The following PAH variants were observed in gnomAD, a reference collection of about 807,000 sequenced individuals.
PAH encodes phenylalanine-4-hydroxylase.
PAH carries 64 observed loss-of-function variants against 62.0 expected under a neutral mutation model. That is an observed-to-expected ratio of 1.03 (90% CI 0.84 to 1.27). The LOEUF is 1.27. PAH is among the 50% of genes most tolerant of loss of function. The pLI is 0.00. For synonymous variants in PAH, 195 were observed against 196.2 expected, an observed-to-expected ratio of 0.99 and a Z score of 0.05; for missense variants, 579 against 542.8, an observed-to-expected ratio of 1.07 and a Z score of -0.66.
intron 5 of PAH, among the ~76,000 whole-genome samples, chr12:102,863,976 A>G (rs932638003): frequency 2.0e-5 from 3 of 152,062 alleles, no homozygotes; most frequent in African/African-American, 7.2e-5. Flanking sequence ...CCAATTCACC[A>G]TTTTGAATCT....
intron 6 of PAH, chr12:102,854,721 G>A (rs1875329714): frequency 6.8e-6 from 2 of 295,606 alleles, no homozygotes; most frequent in South Asian, 7.0e-5. Flanking sequence ...CAGACTCAGA[G>A]CTCAGGGCTC....
intron 3 of PAH, chr12:102,886,287 AG>A (rs1223336187): frequency 2.0e-5 from 3 of 152,210 alleles, no homozygotes; most frequent in Non-Finnish European, 4.4e-5. Context: ...GATGAATAAA[AG>A]GGATCTCACA....
intron 3 of PAH, among the ~76,000 whole-genome samples, chr12:102,891,787 G>A (rs147161977): frequency 9.2e-5 from 14 of 152,186 alleles, no homozygotes; most frequent in Non-Finnish European, 1.8e-4. Context: ...TCAGGCTGCC[G>A]GCTCTCCAGC....
chr12:102,877,707 A>G (rs1259480161), intron 3 of PAH, among the ~76,000 whole-genome samples, 157 bp from the exon 4 acceptor site: 1 of 152,036 alleles, frequency 6.6e-6, no homozygotes, highest in Non-Finnish European at 1.5e-5. Flanking sequence ...GTTAAACTCC[A>G]TTTTCCTTAG....
chr12:102,913,714 A>G, intron 1 of PAH: 1 of 673,870 alleles, frequency 1.5e-6, no homozygotes, highest in South Asian at 1.6e-5. Flanking sequence ...AAGAGTTACA[A>G]AATCCATGAA....
intron 1 of PAH, among the ~76,000 whole-genome samples, chr12:102,936,960 T>A (rs1879121261): frequency 6.6e-6 from 1 of 152,172 alleles, no homozygotes; most frequent in Admixed American, 6.5e-5. Flanking sequence ...GTAATTTAAT[T>A]ATGGGGGCAG....
At chr12:102,939,149 G>T (rs1287424903) in intron 1 of PAH, among the ~76,000 whole-genome samples, 1 of 151,894 alleles carries the variant, frequency 6.6e-6, no homozygotes, top group Non-Finnish European at 1.5e-5. Flanking sequence ...GGCCTGCAGA[G>T]TAACTATCCC....
At position 102,883,273 on chromosome 12, in the gene PAH, T is replaced by C. The variant is rs1260438426; in HGVS notation, c.353-5723A>G. Among the ~76,000 whole-genome samples, 3 of 152,346 alleles carry C rather than the reference T, an allele frequency of 2.0e-5. No individual in the cohort carries two copies. The East Asian group carries it at 5.8e-4, about 29-fold the overall frequency. ...TCACTACATTTGTTCAGCTCCCAAA[T>C]GCACAGCCTCATTTTCCTTTCTCCT... On this transcript the variant is annotated intron_variant, in intron 3 of 12. Coordinates refer to ENST00000553106, the MANE Select transcript of PAH (RefSeq NM_000277.3).
chr12:102,930,898 G>T (rs1878844575), intron 1 of PAH, among the ~76,000 whole-genome samples: 1 of 152,124 alleles, frequency 6.6e-6, no homozygotes, highest in African/African-American at 2.4e-5. Flanking sequence ...ATATTTGTGT[G>T]TGAAGCAATA....
chr12:102,840,231 C>G (rs1451401984), intron 12 of PAH, among the ~76,000 whole-genome samples, 169 bp downstream of exon 12: 1 of 151,456 alleles, frequency 6.6e-6, no homozygotes, highest in Non-Finnish European at 1.5e-5. Context: ...TAATTCTGAC[C>G]TTTTTGTCAA....
In PAH at chr12:102,849,728, G is replaced by A. The variant is rs76309320; in HGVS notation, c.912+1959C>T. ...CTGATAAATCCAAGACCAAAATGGC[G>A]CCTTGTTCTCTTAGTCACCATTCTT... On this transcript the variant is annotated intron_variant, in intron 8 of 12. Transcript: ENST00000553106. Among the ~76,000 whole-genome samples, 822 of 152,208 alleles carry A rather than the reference G, an allele frequency of 5.4e-3. 8 individuals carry two copies. Among genetic ancestry groups the A allele is most frequent in the African/African-American group, 0.018 (744 of 41,526 alleles).
chr12:102,948,014 G>GC (rs1184047046), intron 1 of PAH, among the ~76,000 whole-genome samples: 2 of 152,104 alleles, frequency 1.3e-5, no homozygotes, highest in African/African-American at 4.8e-5. Context: ...TCTTTACTCA[G>GC]CCCCCCTCAT....
At chr12:102,853,913 G>C (rs1226521413) in intron 6 of PAH, among the ~76,000 whole-genome samples, 1 of 152,208 alleles carries the variant, frequency 6.6e-6, no homozygotes, top group Non-Finnish European at 1.5e-5. Flanking sequence ...GACAGAGATA[G>C]GTTAAAGGTT....
At chr12:102,940,248 C>T (rs1263219689) in intron 1 of PAH, among the ~76,000 whole-genome samples, 1 of 152,204 alleles carries the variant, frequency 6.6e-6, no homozygotes, top group Non-Finnish European at 1.5e-5. Context: ...AGCATGACAA[C>T]TCTGACAATT....
chr12:102,892,937 T>C (rs1877336288), intron 3 of PAH, among the ~76,000 whole-genome samples: 1 of 152,110 alleles, frequency 6.6e-6, no homozygotes, highest in South Asian at 2.1e-4. Flanking sequence ...GAATATAAAC[T>C]ATGGACTTCA....
upstream of PAH, among the ~76,000 whole-genome samples, chr12:102,921,129 A>G (rs779659566): frequency 4.4e-4 from 67 of 152,258 alleles, no homozygotes; most frequent in Non-Finnish European, 8.5e-4. Flanking sequence ...ACCAGTCTAC[A>G]CACCAACCAG....
intron 2 of PAH, among the ~76,000 whole-genome samples, chr12:102,908,108 A>C (rs903520849): frequency 5.3e-5 from 8 of 152,232 alleles, no homozygotes; most frequent in African/African-American, 1.7e-4. Flanking sequence ...AAATGGGTGT[A>C]ATAACATCAC....
intron 3 of PAH, among the ~76,000 whole-genome samples, chr12:102,882,746 A>G (rs1042741667): frequency 4.0e-5 from 6 of 150,692 alleles, no homozygotes; most frequent in African/African-American, 1.2e-4. Context: ...CAGCAAGCCT[A>G]GAAAGTCTCT....
upstream of PAH, among the ~76,000 whole-genome samples, chr12:102,951,721 A>G (rs929697711): frequency 6.6e-6 from 1 of 152,204 alleles, no homozygotes; most frequent in African/African-American, 2.4e-5. Flanking sequence ...GGTTCTATTC[A>G]GAAAACAGTT....
Sources: allele counts gnomAD v4.1 joint callset (sites outside exome capture counted in the v4.1 genomes callset), GRCh38; gene constraint gnomAD v4.1.1; transcripts MANE v1.5; gene names NCBI Gene and HGNC (gene_info 2026-07-23, HGNC 2026-07-21).